PRL: variants seen among roughly 807,000 people sequenced by gnomAD.
PRL encodes prolactin, also known as decidual prolactin.
A neutral mutation model predicts 21.3 loss-of-function variants in PRL; 24 were observed. The ratio of observed to expected loss-of-function variants is 1.13; its 90% CI spans 0.82 to 1.59. The LOEUF (loss-of-function observed/expected upper bound fraction) is 1.59, where lower values mean the gene tolerates loss of function less well. Among genes scored for constraint, PRL ranks in the 40% most tolerant of loss-of-function variants. PRL has a pLI of 0.00. For synonymous variants in PRL, 118 were observed against 115.7 expected, an observed-to-expected ratio of 1.02 and a Z score of -0.13; for missense variants, 243 against 286.9, an observed-to-expected ratio of 0.85 and a Z score of 1.10.
chr6:22,290,400 T>TG, intron 3 of PRL, 47 bp from the exon 4 acceptor site: 3 of 1,414,504 alleles, frequency 2.1e-6, no homozygotes, highest in Non-Finnish European at 2.8e-6. Flanking sequence ...TAAAATACAA[T>TG]GGGGTTAGTT....
At chr6:22,299,112 C>T (rs1200515589), upstream of PRL, among the ~76,000 whole-genome samples, 1 of 152,190 alleles carries the variant, frequency 6.6e-6, no homozygotes, top group Non-Finnish European at 1.5e-5. Context: ...ATGCATGTTA[C>T]CCCCTTTCAC....
chr6:22,293,950 G>A (rs182059456), intron 2 of PRL, among the ~76,000 whole-genome samples: 2 of 152,258 alleles, frequency 1.3e-5, no homozygotes, highest in Non-Finnish European at 2.9e-5. Context: ...GTTATTATTT[G>A]TATATTTTCC....
upstream of PRL, among the ~76,000 whole-genome samples, chr6:22,300,597 AT>A (rs1218422611): frequency 6.6e-6 from 1 of 152,228 alleles, no homozygotes; most frequent in Non-Finnish European, 1.5e-5. Flanking sequence ...CTCTGCTAAA[AT>A]TAATTTATCT....
In PRL at chr6:22,297,013, C is replaced by T. The variant is rs755880858; in HGVS notation, c.-31G>A. 8 of 1,613,052 alleles carry T rather than the reference C, an allele frequency of 5.0e-6. No homozygotes were observed. In the South Asian group the frequency reaches 7.7e-5, roughly 16 times the overall value. ...TGATCGTTGCAGGAAACACACTTCA[C>T]CAGAGAAGATCTGGAAGTCTCACGG... On this transcript the variant is annotated 5_prime_UTR_variant, in exon 1 of 5. The change creates a new upstream start codon in the 5' untranslated region. Coordinates refer to ENST00000306482, the MANE Select transcript of PRL (RefSeq NM_000948.6).
Position 22,292,585 on chromosome 6 carries a change from A to G in PRL, c.265T>C (p.Ser89Pro). The G allele has an allele frequency of 1.2e-6, 2 of 1,614,108 alleles. No homozygotes were observed. Among genetic ancestry groups the G allele is most frequent in the Non-Finnish European group, 1.7e-6 (2 of 1,180,026 alleles). ...TTGTCTTCGGGGGTGGCAAGGGAAG[A>G]AGTGTGGCAGCTGTTGATGGCCTTG... ...ITKAINSCHT[S>P]SLATPEDKEQ... is the part of the protein sequence containing the mutation. The change falls in exon 3 of 5, where the codon TCT becomes CCT. Residue 89 changes from serine (S) to proline (P), a missense_variant. Physicochemically the swap from Ser to Pro is moderately conservative, Grantham distance 74. Transcript: ENST00000306482.
At chr6:22,302,146 T>C (rs1052607769), upstream of PRL, among the ~76,000 whole-genome samples, 6 of 152,212 alleles carry the variant, frequency 3.9e-5, no homozygotes, top group Non-Finnish European at 8.8e-5. Context: ...AATCAATAGA[T>C]ATAGTCAAGC....
chr6:22,302,324 T>C (rs1280660692), upstream of PRL, among the ~76,000 whole-genome samples: 1 of 76,792 alleles, frequency 1.3e-5, no homozygotes, highest in African/African-American at 4.5e-5. Flanking sequence ...TAACAGAAAA[T>C]AGAAAAAAAA....
intron 2 of PRL, 51 bp downstream of exon 2, chr6:22,294,358 T>C (rs1341458719): frequency 6.2e-7 from 1 of 1,602,588 alleles, no homozygotes; most frequent in Non-Finnish European, 8.5e-7. Context: ...CAGAGCCCAG[T>C]AGTTCATGTG....
upstream of PRL, among the ~76,000 whole-genome samples, chr6:22,298,817 T>C (rs12210179): frequency 0.19 from 28,348 of 152,192 alleles, 3,157 homozygotes; most frequent in Non-Finnish European, 0.26. Flanking sequence ...AAATCTGTTA[T>C]AAGAACTGAC....
chr6:22,294,487 G>A lies in PRL; in HGVS notation c.126C>T (p.Thr42=), dbSNP rs763062896. Residue 42 remains threonine, a synonymous_variant, in exon 2 of 5, where the codon ACC becomes ACT. Transcript: ENST00000306482. The part of the protein sequence containing the change: ...CPGGAARCQV[T]LRDLFDRAVV... ...CGGCGCGGTCAAACAGGTCTCGAAG[G>A]GTCACCTGGCATCGGGCAGCCCCGC... 1.2e-6 allele frequency: 2 copies of A among 1,614,182 alleles called. No individual in the cohort carries two copies. The highest frequency in any genetic ancestry group is 1.7e-6 in the Non-Finnish European group (2 of 1,180,022).
At chr6:22,289,811 A>G (rs1761007724) in intron 4 of PRL, among the ~76,000 whole-genome samples, 1 of 152,090 alleles carries the variant, frequency 6.6e-6, no homozygotes, top group African/African-American at 2.4e-5. Flanking sequence ...AGGGGAGAAA[A>G]GAGAAAGAAT....
rs1760984075 is a variant in PRL, at chr6:22,288,893, TGCGTGTGTGCGCGCGCGTGTGTGTGC to T, written c.492+1255_492+1280del. On this transcript the variant is annotated intron_variant, in intron 4 of 4. Transcript: ENST00000306482. The surrounding 1 kb of genome is among the most constrained non-coding windows in gnomAD (Gnocchi z 4.5). ...GTGTGTATGCGCGTGCGCGTGTGTG[TGCGTGTGTGCGCGCGCGTGTGTGTGC>T]GTGCGCGTGTGTGTGCATGTGTGTG... 6.6e-6 allele frequency among the ~76,000 whole-genome samples: 1 copy of T among 151,962 alleles called. No homozygotes were observed. The highest frequency in any genetic ancestry group is 1.5e-5 in the Non-Finnish European group (1 of 67,958).
At position 22,294,449 on chromosome 6, in the gene PRL, TG is replaced by T. The variant is rs1254481668; in HGVS notation, c.163del (p.His55ThrfsTer49). 1 of 1,614,068 alleles carries T rather than the reference TG, an allele frequency of 6.2e-7. No homozygotes were observed. The highest frequency in any genetic ancestry group is 1.7e-5 in the Admixed American group (1 of 60,018). On this transcript the variant is annotated frameshift_variant, in exon 2 of 5. Coordinates refer to ENST00000306482, the MANE Select transcript of PRL (RefSeq NM_000948.6). LOFTEE classifies it high-confidence loss of function. ...DLFDRAVVLS[H>X]YIHNLSSEMF... ...TTCTGAGGAGAGGTTATGGATGTAG[TG>T]GGACAGGACGACGGCGCGGTCAAAC...
chr6:22,299,797 C>A (rs1459262288), upstream of PRL, among the ~76,000 whole-genome samples: 2 of 152,098 alleles, frequency 1.3e-5, no homozygotes, highest in African/African-American at 2.4e-5. Context: ...CAAGTTCACG[C>A]CACTGCACTC....
chr6:22,292,568 G>A lies in PRL; in HGVS notation c.282C>T (p.Pro94=), dbSNP rs114131603. The A allele has an allele frequency of 2.1e-3, 3,344 of 1,614,010 alleles. 56 individuals carry two copies. In the African/African-American group the frequency reaches 0.036, roughly 18 times the overall value. ...NSCHTSSLAT[P]EDKEQAQQMN... ...TCTGTTGGGCTTGCTCCTTGTCTTC[G>A]GGGGTGGCAAGGGAAGAAGTGTGGC... The change falls in exon 3 of 5, where the codon CCC becomes CCT. Residue 94 remains proline, a synonymous_variant. Transcript: ENST00000306482.
intron 2 of PRL, among the ~76,000 whole-genome samples, chr6:22,293,617 GGGAAGGAGGGAAGGAAGGAAGGAAGGAA>G (rs1279514557): frequency 0.2 from 19,424 of 95,420 alleles, 3,591 homozygotes; most frequent in Non-Finnish European, 0.22. Context: ...GAAGGGAGGA[GGGAAGGAGGGAAGGAAGGAAGGAAGGAA>G]GGAAGGAAGG....
chr6:22,296,037 T>A (rs1213375669), intron 1 of PRL, among the ~76,000 whole-genome samples: 4 of 152,258 alleles, frequency 2.6e-5, no homozygotes, highest in African/African-American at 9.6e-5. Flanking sequence ...ATGCATACTA[T>A]AATCATATGA....
intron 2 of PRL, 30 bp from the exon 3 acceptor site, chr6:22,292,675 T>TG (rs1761076345): frequency 6.4e-7 from 1 of 1,567,660 alleles, no homozygotes. Context: ...TTCAATTAGT[T>TG]GGGGTTGTTT....
At chr6:22,295,710 A>T (rs1761160494) in intron 1 of PRL, among the ~76,000 whole-genome samples, 1 of 152,210 alleles carries the variant, frequency 6.6e-6, no homozygotes, top group African/African-American at 2.4e-5. Context: ...GATAGCTACC[A>T]AATTAAAATC....
Sources: allele counts gnomAD v4.1 joint callset (sites outside exome capture counted in the v4.1 genomes callset), GRCh38; gene constraint gnomAD v4.1.1; non-coding constraint Gnocchi (gnomAD v3.1); transcripts MANE v1.5; gene names NCBI Gene and HGNC (gene_info 2026-07-23, HGNC 2026-07-21).